The following SPRED2 variants were observed in gnomAD, a reference collection of about 807,000 sequenced individuals.
SPRED2 encodes sprouty related EVH1 domain containing 2.
A neutral mutation model predicts 43.0 loss-of-function variants in SPRED2; 47 were observed. The observed-to-expected ratio is 1.09, with a 90% CI of 0.87 to 1.40. The LOEUF (loss-of-function observed/expected upper bound fraction) is 1.40. Ranked by LOEUF, SPRED2 falls within the 40% of genes most tolerant of loss-of-function variation. The pLI, the probability that SPRED2 is intolerant of heterozygous loss-of-function variation, is 0.00. For synonymous variants in SPRED2, 225 were observed against 225.7 expected (o/e 1.00, Z 0.03); for missense variants, 561 against 586.4 (o/e 0.96, Z 0.45).
chr2:65,369,883 T>C (rs1558672690), intron 1 of SPRED2, among the ~76,000 whole-genome samples: 1 of 152,254 alleles, frequency 6.6e-6, no homozygotes, highest in Non-Finnish European at 1.5e-5. Context: ...AGCCTGGACA[T>C]ATATGTCTTC....
chr2:65,409,739 T>G (rs886540731), intron 1 of SPRED2, among the ~76,000 whole-genome samples: 2 of 150,716 alleles, frequency 1.3e-5, no homozygotes, highest in Admixed American at 1.3e-4. Context: ...ATGAAGACTT[T>G]CAAGAGAAAT....
chr2:65,410,044 AAAG>A (rs1676119649), intron 1 of SPRED2, among the ~76,000 whole-genome samples: 1 of 151,744 alleles, frequency 6.6e-6, no homozygotes, highest in South Asian at 2.1e-4. Flanking sequence ...AAAAAAAAAA[AAAG>A]AATAATTTTA....
At chr2:65,353,519 T>C (rs534914529) in intron 1 of SPRED2, among the ~76,000 whole-genome samples, 1 of 152,368 alleles carries the variant, frequency 6.6e-6, no homozygotes, top group East Asian at 1.9e-4. Context: ...AGTCAAAGTT[T>C]GCTAGACTTG....
intron 2 of SPRED2, among the ~76,000 whole-genome samples, chr2:65,338,962 A>T (rs1674079144): frequency 6.6e-6 from 1 of 151,770 alleles, no homozygotes; most frequent in Non-Finnish European, 1.5e-5. Context: ...CCCGTCCGGG[A>T]GGTGAGGGGC....
chr2:65,365,016 AT>A (rs1320676489), intron 1 of SPRED2, among the ~76,000 whole-genome samples: 1 of 152,226 alleles, frequency 6.6e-6, no homozygotes, highest in South Asian at 2.1e-4. Context: ...ACTTAAAAAA[AT>A]GTTGTTAATA....
intron 1 of SPRED2, among the ~76,000 whole-genome samples, chr2:65,380,068 C>T (rs1675335914): frequency 6.6e-6 from 1 of 152,126 alleles, no homozygotes; most frequent in African/African-American, 2.4e-5. Flanking sequence ...ACCTGAGGGT[C>T]CTTCCCTTGA....
chr2:65,338,941 T>C (rs1451394692), intron 2 of SPRED2, among the ~76,000 whole-genome samples: 4 of 151,988 alleles, frequency 2.6e-5, no homozygotes, highest in Non-Finnish European at 5.9e-5. Flanking sequence ...GGAGCGCCTC[T>C]GCCCCGCCGC....
In SPRED2 at chr2:65,334,824, T is replaced by C. The variant is rs757624821; in HGVS notation, c.205-51A>G. The C allele has an allele frequency of 4.5e-5, 72 of 1,597,344 alleles. No homozygotes were observed. In the South Asian group the frequency reaches 7.2e-4, roughly 16 times the overall value. On this transcript the variant is annotated intron_variant, in intron 2 of 5. Transcript: ENST00000356388. ...GTTACTAGTGGAACAGCCATGATGA[T>C]GTCTGGTTACAGAAGTCTAATTAGG...
At chr2:65,402,544 G>A (rs572939856) in intron 1 of SPRED2, among the ~76,000 whole-genome samples, 1 of 152,324 alleles carries the variant, frequency 6.6e-6, no homozygotes, top group African/African-American at 2.4e-5. Context: ...ACACAGATGG[G>A]ATGTGAAGTC....
chr2:65,366,570 T>C (rs373026618), intron 1 of SPRED2: 83 of 1,551,408 alleles, frequency 5.3e-5, no homozygotes, highest in Non-Finnish European at 6.9e-5. Flanking sequence ...ATAAAGTTCA[T>C]GTAAACAGTA....
intron 1 of SPRED2, among the ~76,000 whole-genome samples, chr2:65,430,918 G>A (rs577664299): frequency 6.6e-6 from 1 of 152,128 alleles, no homozygotes; most frequent in African/African-American, 2.4e-5. Flanking sequence ...AGCAGCGGCG[G>A]CCGCCGCGCG....
At chr2:65,316,399 G>T (rs1673233769) in intron 5 of SPRED2, among the ~76,000 whole-genome samples, 1 of 152,192 alleles carries the variant, frequency 6.6e-6, no homozygotes, top group South Asian at 2.1e-4. Flanking sequence ...AACAGGCTTG[G>T]ATTTGAATCT....
chr2:65,366,529 G>A, intron 1 of SPRED2: 4 of 1,513,530 alleles, frequency 2.6e-6, no homozygotes, highest in Non-Finnish European at 3.6e-6. Flanking sequence ...GCAGGCACCA[G>A]AAAGGTTAAG....
chr2:65,374,151 A>G (rs1675187444), intron 1 of SPRED2: 1 of 152,218 alleles, frequency 6.6e-6, no homozygotes, highest in African/African-American at 2.4e-5. Context: ...GAGATTGTGC[A>G]CAGGGCTTAG....
intron 3 of SPRED2, 163 bp from the exon 4 acceptor site, chr2:65,332,214 C>G (rs1421280466): frequency 4.1e-6 from 2 of 486,248 alleles, no homozygotes; most frequent in Non-Finnish European, 3.8e-6. Context: ...ATTTACTCTT[C>G]TTTAATTGAT....
chr2:65,414,739 T>C (rs948713888), intron 1 of SPRED2, among the ~76,000 whole-genome samples: 3 of 152,208 alleles, frequency 2.0e-5, no homozygotes, highest in Non-Finnish European at 4.4e-5. Flanking sequence ...ACTTTGGCCA[T>C]TACTGGAGTA....
Position 65,334,756 on chromosome 2 carries a change from A to G in SPRED2, c.222T>C (p.Tyr74=). Residue 74 remains tyrosine, a synonymous_variant, in exon 3 of 6, where the codon TAT becomes TAC. Coordinates refer to ENST00000356388, the MANE Select transcript of SPRED2 (RefSeq NM_181784.3). ...TGGTGTAGACCAAGTCCTTTCTTAC[A>G]TAGCATTCCAATACCACCTGAAGGA... The part of the protein sequence containing the change: ...QKDKLVVLEC[Y]VRKDLVYTKA... 1 of 1,614,220 alleles carries G rather than the reference A, an allele frequency of 6.2e-7. No homozygotes were observed. The highest frequency in any genetic ancestry group is 8.5e-7 in the Non-Finnish European group (1 of 1,180,040).
In SPRED2 at chr2:65,314,167, C is replaced by T. The variant is rs368165802; in HGVS notation, c.591G>A (p.Pro197=). 5.0e-6 allele frequency: 8 copies of T among 1,588,296 alleles called. No homozygotes were observed. The highest frequency in any genetic ancestry group is 2.2e-5 in the South Asian group (2 of 89,460). The change falls in exon 6 of 6, where the codon CCG becomes CCA. Residue 197 remains proline, a splice_region_variant and synonymous_variant. Transcript: ENST00000356388. ...TCACCTGGCGGTAGGGCCTTGGCAT[C>T]GGCTGTCCCGTAGGAGAGGAGACAT... ...YPTDHYHLDQ[P]MPRPYRQVSF... is the part of the protein sequence containing the mutation.
chr2:65,318,986 A>G (rs187506286), intron 4 of SPRED2, among the ~76,000 whole-genome samples: 4 of 152,338 alleles, frequency 2.6e-5, no homozygotes, highest in Non-Finnish European at 5.9e-5. Flanking sequence ...GCTATCATAA[A>G]TCATTTTAGG....
Sources: gnomAD v4.1 joint callset for allele counts (sites outside exome capture counted in the v4.1 genomes callset) on GRCh38, gnomAD v4.1.1 for gene constraint, MANE v1.5 for transcripts, NCBI Gene and HGNC (gene_info 2026-07-23, HGNC 2026-07-21) for gene names.